PYROXD2: variants seen among roughly 807,000 people sequenced by gnomAD.
PYROXD2 encodes the protein pyridine nucleotide-disulphide oxidoreductase domain 2.
PYROXD2 carries 69 observed loss-of-function variants against 71.1 expected under a neutral mutation model. That is an observed-to-expected ratio of 0.97 (90% confidence interval 0.80 to 1.19). The LOEUF is 1.19. Among genes scored for constraint, PYROXD2 ranks in the 50% most tolerant of loss-of-function variants. PYROXD2 has a pLI of 0.00. For missense variants in PYROXD2, 745 were observed against 748.9 expected (o/e 0.99, Z 0.06); for synonymous variants, 287 against 302.7 (o/e 0.95, Z 0.54).
intron 2 of PYROXD2, among the ~76,000 whole-genome samples, chr10:98,410,243 A>G (rs550941417): frequency 6.6e-6 from 1 of 152,256 alleles, no homozygotes; most frequent in East Asian, 1.9e-4. Context: ...CCCTATATTG[A>G]TGTTCTAGAG....
intron 15 of PYROXD2, among the ~76,000 whole-genome samples, chr10:98,384,143 G>C (rs1842676256): frequency 6.6e-6 from 1 of 150,508 alleles, no homozygotes; most frequent in Non-Finnish European, 1.5e-5. Context: ...CTTAGTAAGT[G>C]AAGTTAAAAT....
chr10:98,406,969 T>C (rs1438935000), intron 4 of PYROXD2, among the ~76,000 whole-genome samples: 4 of 134,818 alleles, frequency 3.0e-5, no homozygotes, highest in Non-Finnish European at 6.2e-5. Context: ...TTTCTCTGAG[T>C]GGTGAGTGAC....
Position 98,395,419 on chromosome 10 carries a change from T to A in PYROXD2, c.659A>T (p.Tyr220Phe). 1 of 1,614,146 alleles carries A rather than the reference T, an allele frequency of 6.2e-7. No individual in the cohort carries two copies. ...RILGAQLPRYYEVLTAPITKV... is the reference protein window; with the variant it reads ...RILGAQLPRYFEVLTAPITKV... ...GGTAATGGGAGCTGTGAGGACCTCA[T>A]AATATCGGGGAAGCTGGGCTCCCAG... The change falls in exon 7 of 16, where the codon TAT becomes TTT. Residue 220 changes from tyrosine to phenylalanine, a missense_variant. By Grantham distance (22) the Tyr-to-Phe change is conservative (BLOSUM62 3). Transcript: ENST00000370575.
At chr10:98,406,109 G>A (rs554925579) in intron 4 of PYROXD2, among the ~76,000 whole-genome samples, 12 of 152,256 alleles carry the variant, frequency 7.9e-5, no homozygotes, top group South Asian at 4.1e-4. Flanking sequence ...TGAGTCCTGC[G>A]TATCACACAA....
chr10:98,387,416 G>T lies in PYROXD2; in HGVS notation c.1448-109C>A, dbSNP rs1006419983. Reference sequence around the variant, plus strand: ...CAGTCATTAAATTACACACAGAAATGGGCTTATTTTATCATATGCAAATTA... The same window carrying T: ...CAGTCATTAAATTACACACAGAAATTGGCTTATTTTATCATATGCAAATTA... On this transcript the variant is annotated intron_variant, in intron 13 of 15. Coordinates refer to ENST00000370575, the MANE Select transcript of PYROXD2 (RefSeq NM_032709.3). The T allele has an allele frequency of 1.3e-5, 9 of 712,800 alleles. No individual in the cohort carries two copies. In the East Asian group the frequency reaches 1.9e-4, roughly 15 times the overall value. 44.2% of individuals were successfully genotyped at this position (712,800 alleles called of 1,614,324 possible).
intron 4 of PYROXD2, among the ~76,000 whole-genome samples, chr10:98,406,744 T>A (rs1843608747): frequency 6.6e-6 from 1 of 151,634 alleles, no homozygotes; most frequent in Non-Finnish European, 1.5e-5. Flanking sequence ...ACACAAAAAA[T>A]TTGCCTGGCG....
At chr10:98,385,212 G>T (rs746685444) in intron 14 of PYROXD2, 145 bp from the exon 15 acceptor site, 4 of 1,219,870 alleles carry the variant, frequency 3.3e-6, no homozygotes, top group Non-Finnish European at 4.5e-6. Context: ...AGAAAGGGAA[G>T]GAGATGAGAC....
At chr10:98,398,002 C>T (rs780440658) in intron 5 of PYROXD2, among the ~76,000 whole-genome samples, 1 of 151,282 alleles carries the variant, frequency 6.6e-6, no homozygotes, top group Non-Finnish European at 1.5e-5. Context: ...CCTGCCTCAG[C>T]CTCCTGAGTA....
chr10:98,397,437 T>C lies in PYROXD2; in HGVS notation c.533A>G (p.Asp178Gly). 1 of 1,613,488 alleles carries C rather than the reference T, an allele frequency of 6.2e-7. No individual in the cohort carries two copies. The change falls in exon 6 of 16, where the codon GAT becomes GGT. Residue 178 changes from aspartate to glycine, a missense_variant. By Grantham distance (94) the Asp-to-Gly change is moderately conservative (BLOSUM62 -1). Transcript: ENST00000370575. ...GGCCGCCATGTCCACGGGGGCCGCA[T>C]CCAGCAGAGGGTCAATGGCTAATGC... ...RLALAIDPLLDAAPVDMAAFQ... is the reference protein window; with the variant it reads ...RLALAIDPLLGAAPVDMAAFQ...
At chr10:98,385,153 C>T (rs1036981716) in intron 14 of PYROXD2, 86 bp from the exon 15 acceptor site, 1 of 1,524,852 alleles carries the variant, frequency 6.6e-7, no homozygotes, top group African/African-American at 1.4e-5. Context: ...CCCTGTTCTT[C>T]AGCAAATGTT....
chr10:98,390,667 A>T lies in PYROXD2; in HGVS notation c.1223T>A (p.Leu408Gln). ...PLPHHQCSIH[L>Q]NCEDTLLLHQ... The stretch of plus-strand genomic sequence containing the variant: ...AAGGAGGAGGGTGTCTTCACAGTTC[A>T]GGTGGATGGAGCATTGGTGATGGGG... The change falls in exon 12 of 16, where the codon CTG becomes CAG. Residue 408 changes from leucine (L) to glutamine (Q), a missense_variant. Physicochemically the swap from Leu to Gln is moderately radical, Grantham distance 113. Transcript: ENST00000370575. 6.2e-7 allele frequency: 1 copy of T among 1,612,972 alleles called. No individual in the cohort carries two copies. Among genetic ancestry groups the T allele is most frequent in the Admixed American group, 1.7e-5 (1 of 59,826 alleles).
At chr10:98,393,534 C>T (rs899391913) in intron 8 of PYROXD2, among the ~76,000 whole-genome samples, 1 of 152,112 alleles carries the variant, frequency 6.6e-6, no homozygotes, top group Non-Finnish European at 1.5e-5. Context: ...CAGCCTTGAC[C>T]GCTACCATCC....
chr10:98,385,077 C>T lies in PYROXD2; in HGVS notation c.1555-10G>A. The T allele has an allele frequency of 2.5e-6, 4 of 1,613,556 alleles. No homozygotes were observed. Among genetic ancestry groups the T allele is most frequent in the Non-Finnish European group, 3.4e-6 (4 of 1,179,864 alleles). On this transcript the variant is annotated splice_polypyrimidine_tract_variant and intron_variant, in intron 14 of 15. Transcript: ENST00000370575. ...CGCAGTGGAATATGTTCTGCAGAGG[C>T]AGGGCCACAGTCATCAGCACAGGAG...
intron 2 of PYROXD2, among the ~76,000 whole-genome samples, chr10:98,409,167 ACTATGATAAAATGAGG>A (rs1843707359): frequency 6.6e-6 from 1 of 152,220 alleles, no homozygotes; most frequent in Non-Finnish European, 1.5e-5. Flanking sequence ...TTTCTATGAG[ACTATGATAAAATGAGG>A]CAAGCACAAA....
rs1254899656 is a variant in PYROXD2 at position 98,395,268 on chromosome 10, T to C, written c.713A>G (p.Glu238Gly). 2 of 1,614,114 alleles carry C rather than the reference T, an allele frequency of 1.2e-6. No individual in the cohort carries two copies. Among genetic ancestry groups the C allele is most frequent in the Non-Finnish European group, 8.5e-7 (1 of 1,180,028 alleles). ...TKVLDQWFES[E>G]PLKATLATDA... ...TGTGGCTAGAGTGGCTTTTAAAGGC[T>C]CAGACTCGAACCACTGATCCAGCAC... Residue 238 changes from glutamate (E) to glycine (G), a missense_variant, in exon 8 of 16, where the codon GAG becomes GGG. Glu to Gly is a moderately conservative substitution (Grantham distance 98). Transcript: ENST00000370575.
At chr10:98,411,101 G>C (rs1410735807) in intron 1 of PYROXD2, 143 bp from the exon 2 acceptor site, 3 of 1,181,674 alleles carry the variant, frequency 2.5e-6, no homozygotes, top group Non-Finnish European at 3.6e-6. Flanking sequence ...CCCGCACTCA[G>C]ATGTTGGAAC....
intron 14 of PYROXD2, 79 bp from the exon 15 acceptor site, chr10:98,385,146 T>C: frequency 1.3e-6 from 2 of 1,545,278 alleles, no homozygotes; most frequent in South Asian, 1.2e-5. Flanking sequence ...TCCCCTCCCC[T>C]GTTCTTCAGC....
chr10:98,398,237 T>C (rs926746683), intron 5 of PYROXD2, among the ~76,000 whole-genome samples: 3 of 152,152 alleles, frequency 2.0e-5, no homozygotes, highest in Non-Finnish European at 4.4e-5. Context: ...TTGCCTGTAT[T>C]CTTTTCCGGT....
chr10:98,395,174 C>G (rs1843119083), intron 8 of PYROXD2, 22 bp downstream of exon 8: 1 of 1,601,358 alleles, frequency 6.2e-7, no homozygotes, highest in African/African-American at 1.3e-5. Flanking sequence ...CTCCTGTGTC[C>G]CACCTCACCC....
Sources: allele counts gnomAD v4.1 joint callset (sites outside exome capture counted in the v4.1 genomes callset), GRCh38; gene constraint gnomAD v4.1.1; transcripts MANE v1.5; gene names NCBI Gene and HGNC (gene_info 2026-07-23, HGNC 2026-07-21).